The following NIPBL variants were observed in gnomAD, a reference collection of about 807,000 sequenced individuals.
NIPBL encodes the protein nipped-B-like protein.
In NIPBL, 19 loss-of-function variants were observed where a neutral mutation model predicts 321.8. The observed-to-expected ratio is 0.06, with a 90% CI of 0.04 to 0.09. The LOEUF is 0.09. Ranked by LOEUF, NIPBL falls within the 10% of genes least tolerant of loss-of-function variation. NIPBL has a pLI of 1.00. For synonymous variants in NIPBL, 1,106 were observed against 1,114.1 expected, an observed-to-expected ratio of 0.99 and a Z score of 0.14; for missense variants, 2,210 against 3,327.0, an observed-to-expected ratio of 0.66 and a Z score of 8.26.
intron 1 of NIPBL, among the ~76,000 whole-genome samples, chr5:36,917,209 T>C (rs1309893222): frequency 5.9e-5 from 9 of 152,194 alleles, no homozygotes; most frequent in African/African-American, 2.2e-4. Context: ...TGGTATCTCA[T>C]TGTGGTTTTG....
Position 36,885,482 on chromosome 5 carries a change from T to C in NIPBL, c.-80+8304T>C, listed in dbSNP as rs538324491. On this transcript the variant is annotated intron_variant, in intron 1 of 46. Coordinates refer to ENST00000282516, the MANE Select transcript of NIPBL (RefSeq NM_133433.4). ...AAGCCTGAACAACCACCTGGCCTCC[T>C]ACCTGGACAGAGTGAGGAGCCTAGA... The C allele has an allele frequency of 4.3e-4, 211 of 496,416 alleles. 3 individuals carry two copies. In the East Asian group the frequency reaches 9.5e-3, roughly 22 times the overall value. The allele number at this position is 496,416 out of a possible 1,614,324, so 30.8% of individuals were successfully genotyped here.
At chr5:37,034,726 T>C (rs1751494224) in intron 32 of NIPBL, among the ~76,000 whole-genome samples, 1 of 152,186 alleles carries the variant, frequency 6.6e-6, no homozygotes, top group Non-Finnish European at 1.5e-5. Flanking sequence ...AAATTTCTGA[T>C]AGTGGTTATC....
In NIPBL at chr5:37,027,431, C is replaced by T. The variant is rs1750412089; in HGVS notation, c.5862+19C>T. 1 of 1,597,826 alleles carries T rather than the reference C, an allele frequency of 6.3e-7. No homozygotes were observed. The highest frequency in any genetic ancestry group is 8.6e-7 in the Non-Finnish European group (1 of 1,166,390). ...TCAAAACGTGAGTGTTCTTTTGACT[C>T]CTGATAACCTAAAATTTAATAGGTT... On this transcript the variant is annotated intron_variant, in intron 32 of 46. Coordinates refer to ENST00000282516, the MANE Select transcript of NIPBL (RefSeq NM_133433.4).
At chr5:36,982,130 G>A (rs1431409928) in intron 9 of NIPBL, 2 of 618,218 alleles carry the variant, frequency 3.2e-6, no homozygotes, top group Non-Finnish European at 4.0e-6. Flanking sequence ...TTGGTTTTGA[G>A]ATTATGATAA....
intron 36 of NIPBL, 52 bp from the exon 37 acceptor site, chr5:37,045,391 C>T: frequency 7.4e-7 from 1 of 1,347,998 alleles, no homozygotes; most frequent in Non-Finnish European, 1.0e-6. Context: ...ATTACTTGAA[C>T]TTAGTAATTC....
intron 1 of NIPBL, among the ~76,000 whole-genome samples, chr5:36,952,070 G>GCGCGCA (rs1554010338): frequency 7.2e-5 from 10 of 139,226 alleles, no homozygotes; most frequent in Admixed American, 5.7e-4. Context: ...GCGCGCGCGC[G>GCGCGCA]CGCATGTGTG....
chr5:36,911,177 C>T (rs1341456179), intron 1 of NIPBL, among the ~76,000 whole-genome samples: 1 of 152,174 alleles, frequency 6.6e-6, no homozygotes, highest in African/African-American at 2.4e-5. Context: ...GTAGGGAGGT[C>T]ATAGCATCTG....
Position 37,051,839 on chromosome 5 carries a change from G to C in NIPBL, c.7015G>C (p.Asp2339His). 6.2e-7 allele frequency: 1 copy of C among 1,613,908 alleles called. No homozygotes were observed. Among genetic ancestry groups the C allele is most frequent in the African/African-American group, 1.3e-5 (1 of 74,976 alleles). ...AGAACCTGCTATGCGGAACAAGGCTGATCAGCAACTTGTGGAAATAGACAA... is the reference window on the plus strand; with the variant it reads ...AGAACCTGCTATGCGGAACAAGGCTCATCAGCAACTTGTGGAAATAGACAA... ...DPEPAMRNKA[D>H]QQLVEIDKKY... The change falls in exon 41 of 47, where the codon GAT becomes CAT. Residue 2339 changes from aspartate (D) to histidine (H), a missense_variant. Physicochemically the swap from Asp to His is moderately conservative, Grantham distance 81 (BLOSUM62 -1). Transcript: ENST00000282516.
intron 1 of NIPBL, among the ~76,000 whole-genome samples, chr5:36,938,815 G>A (rs1325878242): frequency 2.0e-5 from 3 of 152,132 alleles, no homozygotes; most frequent in Non-Finnish European, 4.4e-5. Context: ...GGAAACTGAC[G>A]TTGATACAAT....
chr5:36,888,560 T>C (rs1746089011), intron 1 of NIPBL, among the ~76,000 whole-genome samples: 1 of 152,144 alleles, frequency 6.6e-6, no homozygotes, highest in Non-Finnish European at 1.5e-5. Context: ...TTCACTTTTA[T>C]TGCAAACAAC....
chr5:36,879,536 AT>A (rs1344287919), intron 1 of NIPBL, among the ~76,000 whole-genome samples: 1 of 152,230 alleles, frequency 6.6e-6, no homozygotes, highest in Non-Finnish European at 1.5e-5. Context: ...TGAACTTTAA[AT>A]CTCTGATAAC....
intron 1 of NIPBL, among the ~76,000 whole-genome samples, chr5:36,939,786 G>A (rs1244850203): frequency 6.6e-6 from 1 of 152,150 alleles, no homozygotes; most frequent in Non-Finnish European, 1.5e-5. Context: ...GGGAGAAATA[G>A]AAGGGGACAG....
At chr5:36,974,029 C>T (rs932505358) in intron 8 of NIPBL, among the ~76,000 whole-genome samples, 1 of 152,038 alleles carries the variant, frequency 6.6e-6, no homozygotes, top group Admixed American at 6.6e-5. Context: ...GGATAAAAAC[C>T]CGGCTTCTGA....
intron 32 of NIPBL, among the ~76,000 whole-genome samples, chr5:37,032,995 T>C (rs1484917136): frequency 3.9e-5 from 6 of 152,246 alleles, no homozygotes; most frequent in Non-Finnish European, 7.3e-5. Context: ...GCACCTTGAT[T>C]ACTTCTTATT....
intron 30 of NIPBL, among the ~76,000 whole-genome samples, chr5:37,025,723 C>G (rs1750187351): frequency 1.3e-5 from 2 of 152,090 alleles, no homozygotes; most frequent in African/African-American, 4.8e-5. Flanking sequence ...ACCCCAGTTA[C>G]CCTGATTTGA....
intron 1 of NIPBL, among the ~76,000 whole-genome samples, chr5:36,921,735 A>C (rs1451820345): frequency 6.6e-6 from 1 of 152,164 alleles, no homozygotes; most frequent in Non-Finnish European, 1.5e-5. Flanking sequence ...AATGAATGGG[A>C]CAAACACAGA....
intron 34 of NIPBL, among the ~76,000 whole-genome samples, chr5:37,043,504 G>A (rs1454400422): frequency 6.6e-6 from 1 of 150,516 alleles, no homozygotes; most frequent in Non-Finnish European, 1.5e-5. Flanking sequence ...TCCAGCCTGG[G>A]CAACAGAGCA....
At chr5:37,016,339 A>G (rs530405710) in intron 23 of NIPBL, among the ~76,000 whole-genome samples, 169 bp downstream of exon 23, 1 of 152,310 alleles carries the variant, frequency 6.6e-6, no homozygotes, top group South Asian at 2.1e-4. Flanking sequence ...CCTTGTAGAA[A>G]ATTTTCAAAT....
intron 9 of NIPBL, among the ~76,000 whole-genome samples, chr5:36,983,614 C>T (rs1262746819): frequency 6.6e-6 from 1 of 151,942 alleles, no homozygotes; most frequent in African/African-American, 2.4e-5. Context: ...TTAAAACATA[C>T]TCAAGCAATT....
Sources: allele counts gnomAD v4.1 joint callset (sites outside exome capture counted in the v4.1 genomes callset), GRCh38; gene constraint gnomAD v4.1.1; transcripts MANE v1.5; gene names NCBI Gene and HGNC (gene_info 2026-07-23, HGNC 2026-07-21).